Variants in SRD5A3 observed in about 807,000 individuals in gnomAD.
SRD5A3 encodes steroid 5 alpha-reductase 3.
A neutral mutation model predicts 34.3 loss-of-function variants in SRD5A3; 24 were observed. The observed-to-expected ratio is 0.70, with a 90% CI of 0.51 to 0.99. The LOEUF (loss-of-function observed/expected upper bound fraction) is 0.99. Among genes scored for constraint, SRD5A3 ranks in the 50% least tolerant of loss-of-function variants. SRD5A3 has a pLI of 0.00. For synonymous variants in SRD5A3, 161 were observed against 167.3 expected (o/e 0.96, Z 0.29); for missense variants, 350 against 388.2 (o/e 0.90, Z 0.83).
Position 55,346,346 on chromosome 4 carries a change from T to C in SRD5A3, c.10T>C (p.Trp4Arg), listed in dbSNP as rs1267289128. The part of the protein sequence containing the change: MAP[W>R]AEAEHSALNP... ...GGCGGGCACGCGGGCCATGGCTCCC[T>C]GGGCGGAGGCCGAGCACTCGGCGCT... Residue 4 changes from tryptophan to arginine, a missense_variant, in exon 1 of 5, where the codon TGG becomes CGG. By Grantham distance (101) the Trp-to-Arg change is moderately radical. Around this residue, in one of 3 missense-constraint regions of SRD5A3, gnomAD observed 159 missense variants for 149.1 expected, o/e 1.07. Transcript: ENST00000264228. 2 of 1,506,010 alleles carry C rather than the reference T, an allele frequency of 1.3e-6. No homozygotes were observed. Among genetic ancestry groups the C allele is most frequent in the Admixed American group, 2.2e-5 (1 of 44,942 alleles). 93.3% of individuals were successfully genotyped at this position (1,506,010 alleles called of 1,614,324 possible).
rs1434396022 is a variant in SRD5A3 at position 55,372,043 on chromosome 4, T to C, written c.*1952T>C. The C allele has an allele frequency of 1.3e-5, 2 of 152,214 alleles. No homozygotes were observed. The highest frequency in any genetic ancestry group is 4.8e-5 in the African/African-American group (2 of 41,452). The allele number at this position is 152,214 out of a possible 1,614,324, so 9.4% of individuals were successfully genotyped here. On this transcript the variant is annotated 3_prime_UTR_variant, in exon 5 of 5. Transcript: ENST00000264228. ...CCAAACACCACTTAAGATTAACCTG[T>C]GGCTCAGTCTACTTAAATAAATGCC... is the stretch of plus-strand genomic sequence containing the variant.
intron 1 of SRD5A3, among the ~76,000 whole-genome samples, chr4:55,350,244 C>G (rs984504821): frequency 6.6e-6 from 1 of 152,066 alleles, no homozygotes; most frequent in African/African-American, 2.4e-5. Context: ...GTGGCGAGCA[C>G]CGGTAATTCC....
chr4:55,353,050 CATT>C (rs1256579518), intron 1 of SRD5A3, among the ~76,000 whole-genome samples: 1 of 152,106 alleles, frequency 6.6e-6, no homozygotes, highest in Admixed American at 6.5e-5. Flanking sequence ...GGAGGCATTG[CATT>C]GTGTGATTTA....
chr4:55,350,020 A>G (rs1231045332), intron 1 of SRD5A3, among the ~76,000 whole-genome samples: 1 of 152,124 alleles, frequency 6.6e-6, no homozygotes, highest in African/African-American at 2.4e-5. Context: ...TTTCCTTGTT[A>G]TGAGAACACT....
intron 1 of SRD5A3, among the ~76,000 whole-genome samples, chr4:55,354,172 C>T (rs921961047): frequency 6.6e-6 from 1 of 152,166 alleles, no homozygotes; most frequent in Non-Finnish European, 1.5e-5. Flanking sequence ...TGTGGGCTCA[C>T]TGCAGCCTCC....
intron 1 of SRD5A3, among the ~76,000 whole-genome samples, chr4:55,352,961 C>A (rs1719253276): frequency 6.6e-6 from 1 of 152,176 alleles, no homozygotes; most frequent in Non-Finnish European, 1.5e-5. Context: ...CAGTAGCTCG[C>A]CAGGGCCTTG....
intron 1 of SRD5A3, among the ~76,000 whole-genome samples, chr4:55,357,468 A>G (rs988208316): frequency 2.0e-5 from 3 of 152,184 alleles, no homozygotes; most frequent in African/African-American, 4.8e-5. Context: ...ACCTGGGGTC[A>G]GTTGTGGGAA....
rs1289406895 is a variant in SRD5A3, at chr4:55,371,330, G to A, written c.*1239G>A. 6.6e-6 allele frequency: 1 copy of A among 152,186 alleles called. No individual in the cohort carries two copies. The highest frequency in any genetic ancestry group is 1.9e-4 in the East Asian group (1 of 5,202). The allele number at this position is 152,186 out of a possible 1,614,324, so 9.4% of individuals were successfully genotyped here. Reference sequence around the variant, plus strand: ...ATAGCTTATGTTAAAGAAAATACCTGTGATTAATTCAGAGGGAAATAAATG... The same window carrying A: ...ATAGCTTATGTTAAAGAAAATACCTATGATTAATTCAGAGGGAAATAAATG... On this transcript the variant is annotated 3_prime_UTR_variant, in exon 5 of 5. Transcript: ENST00000264228.
chr4:55,351,701 A>C, intron 1 of SRD5A3: 1 of 384,578 alleles, frequency 2.6e-6, no homozygotes, highest in South Asian at 2.1e-5. Context: ...CTCAGCTCAT[A>C]ATAGAGCAAA....
At chr4:55,353,510 C>G (rs577172755) in intron 1 of SRD5A3, among the ~76,000 whole-genome samples, 5 of 152,300 alleles carry the variant, frequency 3.3e-5, no homozygotes, top group African/African-American at 4.8e-5. Context: ...GCTGGCCACC[C>G]GAGCCAGCAG....
chr4:55,350,781 T>C (rs1407087328), intron 1 of SRD5A3, among the ~76,000 whole-genome samples: 1 of 89,754 alleles, frequency 1.1e-5, no homozygotes, highest in Admixed American at 1.1e-4. Flanking sequence ...TTTTTTTTTT[T>C]TGAGACAGTC....
intron 4 of SRD5A3, among the ~76,000 whole-genome samples, chr4:55,369,088 C>T (rs1326206312): frequency 6.6e-6 from 1 of 152,138 alleles, no homozygotes. Context: ...TTGTCCCAGG[C>T]CCTGTTCTGA....
chr4:55,350,565 T>C (rs966053313), intron 1 of SRD5A3, among the ~76,000 whole-genome samples: 4 of 152,174 alleles, frequency 2.6e-5, no homozygotes, highest in African/African-American at 9.7e-5. Context: ...AAATTGTGAA[T>C]GCAATGTGGA....
At chr4:55,356,668 G>A (rs1212560730) in intron 1 of SRD5A3, among the ~76,000 whole-genome samples, 4 of 151,174 alleles carry the variant, frequency 2.6e-5, no homozygotes, top group Non-Finnish European at 5.9e-5. Context: ...GTAGAGATGG[G>A]GCCTCATTAT....
At chr4:55,365,755 A>G (rs1719868854) in intron 3 of SRD5A3, 1 of 152,200 alleles carries the variant, frequency 6.6e-6, no homozygotes, top group Admixed American at 6.5e-5. Context: ...TTGTCCTTCA[A>G]GGGTCATCTG....
intron 2 of SRD5A3, among the ~76,000 whole-genome samples, chr4:55,363,543 T>G (rs532846818): frequency 3.3e-5 from 5 of 152,190 alleles, no homozygotes; most frequent in Admixed American, 2.0e-4. Flanking sequence ...TCAGATTTTT[T>G]GGTGGGCAGG....
chr4:55,351,388 T>A (rs189161525), intron 1 of SRD5A3, among the ~76,000 whole-genome samples: 1 of 152,238 alleles, frequency 6.6e-6, no homozygotes, highest in Non-Finnish European at 1.5e-5. Context: ...AACATTTTTA[T>A]GAGACAAAAT....
rs147219206 is a variant in SRD5A3, at chr4:55,369,016, A to G, written c.698-816A>G. On this transcript the variant is annotated intron_variant, in intron 4 of 4. Transcript: ENST00000264228. ...AGTCTCCCAAAGTGCTAGGATTACA[A>G]GCATAAGCTACCGCGCCCAGCCAAA... is the stretch of plus-strand genomic sequence containing the variant. Among the ~76,000 whole-genome samples the G allele has an allele frequency of 1.6e-3, 241 of 152,300 alleles. 5 individuals are homozygous for G. In the East Asian group the frequency reaches 0.031, roughly 20 times the overall value.
intron 1 of SRD5A3, among the ~76,000 whole-genome samples, chr4:55,356,429 A>G (rs532548076): frequency 6.1e-4 from 93 of 152,310 alleles, no homozygotes; most frequent in Non-Finnish European, 1.2e-3. Context: ...TTATCCAACT[A>G]TCACCACCAC....
Sources: allele counts gnomAD v4.1 joint callset (sites outside exome capture counted in the v4.1 genomes callset), GRCh38; gene constraint gnomAD v4.1.1; regional missense constraint gnomAD v4.1.1; transcripts MANE v1.5; gene names NCBI Gene and HGNC (gene_info 2026-07-23, HGNC 2026-07-21).